Variants in WDFY4 observed in about 807,000 individuals in gnomAD.
WDFY4 encodes WDFY family member 4.
A neutral mutation model predicts 351.9 loss-of-function variants in WDFY4; 169 were observed. The ratio of observed to expected loss-of-function variants is 0.48; its 90% confidence interval spans 0.42 to 0.55. WDFY4 has a LOEUF of 0.55. Among genes scored for constraint, WDFY4 ranks in the 20% least tolerant of loss-of-function variants. The pLI, the probability that WDFY4 is intolerant of heterozygous loss-of-function variation, is 0.00. For missense variants in WDFY4, 3,803 were observed against 3,935.6 expected (o/e 0.97, Z 0.90); for synonymous variants, 1,622 against 1,574.6 (o/e 1.03, Z -0.71).
chr10:48,906,391 T>A (rs1021122796), intron 47 of WDFY4, among the ~76,000 whole-genome samples: 6 of 152,152 alleles, frequency 3.9e-5, no homozygotes, highest in African/African-American at 1.4e-4. Flanking sequence ...CTAAGAAGGC[T>A]CTCTGGGCCT....
At chr10:48,901,420 C>T (rs530387053) in intron 46 of WDFY4, among the ~76,000 whole-genome samples, 1 of 152,350 alleles carries the variant, frequency 6.6e-6, no homozygotes, top group African/African-American at 2.4e-5. Context: ...ACTCCACAAC[C>T]ACTACCCACT....
rs143086601 is a variant in WDFY4, at chr10:48,905,322, C to G, written c.7586+3459C>G. 5.3e-5 allele frequency among the ~76,000 whole-genome samples: 8 copies of G among 152,250 alleles called. No homozygotes were observed. In the East Asian group the frequency reaches 1.5e-3, roughly 29 times the overall value. ...CCAGCTGTGCCCACTAAGTTAGAGG[C>G]CCCTCAGAAATGATTGCCAGGTTGG... On this transcript the variant is annotated intron_variant, in intron 47 of 61. Transcript: ENST00000325239.
intron 35 of WDFY4, chr10:48,823,923 C>A (rs1057356476): frequency 3.9e-5 from 38 of 985,436 alleles, no homozygotes; most frequent in Non-Finnish European, 4.6e-5. Flanking sequence ...TTTAAACAGA[C>A]CTTCACTTCA....
In WDFY4 at chr10:48,963,903, A is replaced by G. The variant is rs1393924007; in HGVS notation, c.8285A>G (p.Tyr2762Cys). ...CATTGGATAGACCTTATTTTTGGGTACAAGCAGCAGGGGCCAGCCGCAGTG... is the reference window on the plus strand; with the variant it reads ...CATTGGATAGACCTTATTTTTGGGTGCAAGCAGCAGGGGCCAGCCGCAGTG... ...LHHWIDLIFG[Y>C]KQQGPAAVDA... Residue 2762 changes from tyrosine (Y) to cysteine (C), a missense_variant, in exon 54 of 62, where the codon TAC (tyrosine) becomes TGC (cysteine). Tyr to Cys is a radical substitution (Grantham distance 194, BLOSUM62 -2). Transcript: ENST00000325239. 2.6e-6 allele frequency: 4 copies of G among 1,551,424 alleles called. No homozygotes were observed. The highest frequency in any genetic ancestry group is 3.5e-6 in the Non-Finnish European group (4 of 1,147,006).
chr10:48,973,845 C>T (rs1000028419), intron 57 of WDFY4, among the ~76,000 whole-genome samples: 10 of 152,228 alleles, frequency 6.6e-5, no homozygotes, highest in African/African-American at 2.4e-4. Flanking sequence ...CCACACAAGC[C>T]AAACCTGAGG....
chr10:48,787,906 CTTCTTCTTCTTCTTCTTCTT>C (rs2066506664), intron 20 of WDFY4, among the ~76,000 whole-genome samples: 2 of 32,310 alleles, frequency 6.2e-5, no homozygotes, highest in African/African-American at 3.3e-4. Flanking sequence ...TCTTCTTCTT[CTTCTTCTTCTTCTTCTTCTT>C]CTTCTTCTTC....
chr10:48,913,849 C>T lies in WDFY4; in HGVS notation c.7586+11986C>T, dbSNP rs776062643. The T allele has an allele frequency of 1.8e-5, 29 of 1,613,944 alleles. No individual in the cohort carries two copies. Among genetic ancestry groups the T allele is most frequent in the South Asian group, 8.8e-5 (8 of 91,058 alleles). ...TTGCTGGTCAGCCGGTTGTTGCTGA[C>T]GTTGAGGTAGAGCAGGCTGGTCATC... On this transcript the variant is annotated intron_variant, in intron 47 of 61. Coordinates refer to ENST00000325239, the MANE Select transcript of WDFY4 (RefSeq NM_001394531.1).
In WDFY4 at chr10:48,932,780, C is replaced by T. The variant is rs532647755; in HGVS notation, c.7587-9026C>T. ...GTCAGAAAGGGCATATCGGTGGGGACGTTGCTAACTCAGACTGAGGTGGGT... is the reference window on the plus strand; with the variant it reads ...GTCAGAAAGGGCATATCGGTGGGGATGTTGCTAACTCAGACTGAGGTGGGT... On this transcript the variant is annotated intron_variant, in intron 47 of 61. Transcript: ENST00000325239. Among the ~76,000 whole-genome samples, 64 of 152,004 alleles carry T rather than the reference C, an allele frequency of 4.2e-4. 1 individual carries two copies. In the South Asian group the frequency reaches 0.012, roughly 30 times the overall value.
In WDFY4 at chr10:48,969,060, G is replaced by T. The variant is rs966567822; in HGVS notation, c.8585-4G>T. On this transcript the variant is annotated splice_region_variant and splice_polypyrimidine_tract_variant and intron_variant, in intron 55 of 61. Transcript: ENST00000325239. ...ATAAGTTCGCCATACTAACTGGGGTGTAGATATGTACCTCTTTTCTCTAGG... is the reference window on the plus strand; with the variant it reads ...ATAAGTTCGCCATACTAACTGGGGTTTAGATATGTACCTCTTTTCTCTAGG... The T allele has an allele frequency of 2.6e-6, 4 of 1,551,054 alleles. No individual in the cohort carries two copies. Among genetic ancestry groups the T allele is most frequent in the Non-Finnish European group, 3.5e-6 (4 of 1,146,586 alleles).
At chr10:48,916,849 T>C (rs1023512766) in intron 47 of WDFY4, among the ~76,000 whole-genome samples, 1 of 150,590 alleles carries the variant, frequency 6.6e-6, no homozygotes, top group Admixed American at 6.7e-5. Context: ...TTTTTAAAAG[T>C]AAAAAGTCCT....
At chr10:48,720,668 C>T (rs1295583716) in intron 3 of WDFY4, among the ~76,000 whole-genome samples, 2 of 152,034 alleles carry the variant, frequency 1.3e-5, no homozygotes, top group African/African-American at 4.8e-5. Flanking sequence ...ACACACAGAA[C>T]ACACGGGACC....
At chr10:48,908,305 A>T (rs1273001476) in intron 47 of WDFY4, among the ~76,000 whole-genome samples, 1 of 152,206 alleles carries the variant, frequency 6.6e-6, no homozygotes, top group Non-Finnish European at 1.5e-5. Context: ...TGAGCAACCC[A>T]CTGGTTCAAG....
intron 47 of WDFY4, among the ~76,000 whole-genome samples, chr10:48,903,994 C>T (rs527587499): frequency 6.4e-4 from 97 of 152,290 alleles, no homozygotes; most frequent in African/African-American, 2.3e-3. Context: ...GTGTGGAAGA[C>T]ATCCTGGAAG....
chr10:48,806,093 C>T lies in WDFY4; in HGVS notation c.4736C>T (p.Pro1579Leu), dbSNP rs997631235. ...GACGGAGCCCTGGACCCTTCCCTGC[C>T]TGGTGAGAAGACCTTTGCCAGTTCG... ...CMDGALDPSL[P>L]AGSQTSGKTI... The change falls in exon 27 of 62, where the codon CCT becomes CTT. Residue 1579 changes from proline (P) to leucine (L), a missense_variant and splice_region_variant. Physicochemically the swap from Pro to Leu is moderately conservative, Grantham distance 98. Transcript: ENST00000325239. The T allele has an allele frequency of 1.2e-5, 18 of 1,551,542 alleles. No individual in the cohort carries two copies. The African/African-American group carries it at 2.2e-4, about 19-fold the overall frequency.
intron 39 of WDFY4, among the ~76,000 whole-genome samples, chr10:48,845,891 TG>T: frequency 6.6e-6 from 1 of 151,910 alleles, no homozygotes. Flanking sequence ...CACTGTGGAG[TG>T]GTAGGCAAGA....
chr10:48,817,875 A>T lies in WDFY4; in HGVS notation c.5505+466A>T, dbSNP rs902199660. Among the ~76,000 whole-genome samples the T allele has an allele frequency of 3.9e-5, 6 of 152,212 alleles. No individual in the cohort carries two copies. The East Asian group carries it at 5.8e-4, about 15-fold the overall frequency. On this transcript the variant is annotated intron_variant, in intron 32 of 61. Transcript: ENST00000325239. ...CTAGGCAGTGGGTTTGCAGAGGCCC[A>T]GCTTAGAGCCAGACAAGCCAAGGGG...
chr10:48,787,886 TTCTTCTCC>T lies in WDFY4; in HGVS notation c.3809-642_3809-635del, dbSNP rs1565198277. Among the ~76,000 whole-genome samples, 718 of 81,942 alleles carry T rather than the reference TTCTTCTCC, an allele frequency of 8.8e-3. 17 individuals carry two copies. Among genetic ancestry groups the T allele is most frequent in the East Asian group, 0.02 (37 of 1,826 alleles). The allele number at this position is 81,942 out of a possible 152,430, so 53.8% of individuals were successfully genotyped here. ...CTTCTTCTTTCTTCTTTCTTTCTTCTTCTTCTCCTTCTTCTTCTTCTTCTTCTTCTTCT... is the reference window on the plus strand; with the variant it reads ...CTTCTTCTTTCTTCTTTCTTTCTTCTTTCTTCTTCTTCTTCTTCTTCTTCT... On this transcript the variant is annotated intron_variant, in intron 20 of 61. Transcript: ENST00000325239.
At chr10:48,884,231 T>C (rs1255284772) in intron 43 of WDFY4, 1 of 152,226 alleles carries the variant, frequency 6.6e-6, no homozygotes, top group Non-Finnish European at 1.5e-5. Context: ...AGTGGCATCT[T>C]CTACAAGCTC....
chr10:48,804,539 C>T (rs1319836246), intron 25 of WDFY4, among the ~76,000 whole-genome samples: 2 of 133,492 alleles, frequency 1.5e-5, no homozygotes, highest in African/African-American at 5.8e-5. Context: ...AGATGGAGCT[C>T]AGCAGAATTT....
Sources: allele counts gnomAD v4.1 joint callset (sites outside exome capture counted in the v4.1 genomes callset), GRCh38; gene constraint gnomAD v4.1.1; transcripts MANE v1.5; gene names NCBI Gene and HGNC (gene_info 2026-07-23, HGNC 2026-07-21).